The following TMEM108 variants were observed in gnomAD, a reference collection of about 807,000 sequenced individuals.
TMEM108 encodes the protein cancer/testis antigen 124.
In TMEM108, 12 loss-of-function variants were observed where a neutral mutation model predicts 35.1. The ratio of observed to expected loss-of-function variants is 0.34; its 90% CI spans 0.22 to 0.55. The LOEUF is 0.55. Ranked by LOEUF, TMEM108 falls within the 20% of genes least tolerant of loss-of-function variation. The pLI, the probability that TMEM108 is intolerant of heterozygous loss-of-function variation, is 0.89. For missense variants in TMEM108, 680 were observed against 753.3 expected, an observed-to-expected ratio of 0.90 and a Z score of 1.14; for synonymous variants, 287 against 308.6, an observed-to-expected ratio of 0.93 and a Z score of 0.73.
At chr3:133,081,566 A>G (rs1346556682) in intron 2 of TMEM108, among the ~76,000 whole-genome samples, 3 of 152,210 alleles carry the variant, frequency 2.0e-5, no homozygotes, top group Non-Finnish European at 4.4e-5. Flanking sequence ...GCTATATGGA[A>G]TATAGATCTG....
chr3:133,039,787 C>G (rs1943250987), intron 1 of TMEM108, among the ~76,000 whole-genome samples: 1 of 152,094 alleles, frequency 6.6e-6, no homozygotes, highest in Admixed American at 6.5e-5. Context: ...CTACCTTGTC[C>G]CTTGGAGACA....
At chr3:133,334,148 C>G (rs1315594790) in intron 3 of TMEM108, among the ~76,000 whole-genome samples, 1 of 152,128 alleles carries the variant, frequency 6.6e-6, no homozygotes, top group Non-Finnish European at 1.5e-5. Context: ...TGAGTTTCTG[C>G]AAGTTGTTGA....
At chr3:133,213,887 T>C (rs77383862) in intron 2 of TMEM108, among the ~76,000 whole-genome samples, 2,090 of 152,290 alleles carry the variant, frequency 0.014, 55 homozygotes, top group African/African-American at 0.048. Context: ...GTATAACTTA[T>C]AAATAAGACC....
At chr3:133,370,240 C>T (rs2072619451) in intron 3 of TMEM108, among the ~76,000 whole-genome samples, 1 of 151,706 alleles carries the variant, frequency 6.6e-6, no homozygotes, top group Non-Finnish European at 1.5e-5. Context: ...CCTTACACTC[C>T]CCTTGGCTGT....
rs1944749797 is a variant in TMEM108 at position 133,148,252 on chromosome 3, G to T, written c.-46-81014G>T. Among the ~76,000 whole-genome samples the T allele has an allele frequency of 2.6e-5, 4 of 152,122 alleles. No homozygotes were observed. The South Asian group carries it at 8.3e-4, about 31-fold the overall frequency. ...ACAAGAGGAACTGAGAGCATCTTTTGGTGCCAGAAAGTAAGAAAATGCTCA... is the reference window on the plus strand; with the variant it reads ...ACAAGAGGAACTGAGAGCATCTTTTTGTGCCAGAAAGTAAGAAAATGCTCA... On this transcript the variant is annotated intron_variant, in intron 2 of 5. Coordinates refer to ENST00000321871, the MANE Select transcript of TMEM108 (RefSeq NM_023943.4).
intron 3 of TMEM108, among the ~76,000 whole-genome samples, chr3:133,267,223 A>G (rs1946711949): frequency 1.3e-5 from 2 of 152,198 alleles, no homozygotes; most frequent in South Asian, 2.1e-4. Flanking sequence ...CACTGAGGAT[A>G]CCAAAATGAT....
chr3:133,091,015 TG>T (rs1323494182), intron 2 of TMEM108, among the ~76,000 whole-genome samples: 2 of 152,150 alleles, frequency 1.3e-5, no homozygotes, highest in Non-Finnish European at 2.9e-5. Context: ...GTAAAACTAT[TG>T]GGTTAAATAT....
chr3:133,095,055 T>C (rs9814163), intron 2 of TMEM108, among the ~76,000 whole-genome samples: 71,043 of 152,094 alleles, frequency 0.47, 18,006 homozygotes, highest in Non-Finnish European at 0.57. Context: ...CTGTTTTTCT[T>C]ATCATTCCCT....
intron 2 of TMEM108, among the ~76,000 whole-genome samples, chr3:133,193,814 A>C (rs1212057124): frequency 2.0e-5 from 3 of 152,224 alleles, no homozygotes; most frequent in Admixed American, 1.3e-4. Context: ...TTTTTGTATA[A>C]AAATTGAGTT....
At chr3:133,094,221 AC>A (rs1559830325) in intron 2 of TMEM108, among the ~76,000 whole-genome samples, 1 of 34,250 alleles carries the variant, frequency 2.9e-5, no homozygotes. Context: ...CCCACCTCCC[AC>A]CCCACCCCCC....
chr3:133,386,746 C>T (rs2073156428), intron 4 of TMEM108: 27 of 1,258,438 alleles, frequency 2.1e-5, no homozygotes, highest in Non-Finnish European at 2.5e-5. Flanking sequence ...GTTTACAAAA[C>T]GCTTCTGCAT....
At chr3:133,310,456 A>G (rs1324074646) in intron 3 of TMEM108, among the ~76,000 whole-genome samples, 1 of 146,628 alleles carries the variant, frequency 6.8e-6, no homozygotes, top group Non-Finnish European at 1.5e-5. Flanking sequence ...CCATTATGTA[A>G]TGGCCTTCTT....
intron 3 of TMEM108, among the ~76,000 whole-genome samples, chr3:133,261,648 T>C (rs957048667): frequency 1.3e-5 from 2 of 152,358 alleles, no homozygotes; most frequent in East Asian, 1.9e-4. Flanking sequence ...TATCATTGAA[T>C]ATTTCCATTT....
intron 2 of TMEM108, among the ~76,000 whole-genome samples, chr3:133,173,322 C>G (rs1214658798): frequency 2.6e-5 from 4 of 152,184 alleles, no homozygotes; most frequent in Non-Finnish European, 4.4e-5. Context: ...AGCCTATGTA[C>G]ACATGTGAAA....
At chr3:133,202,880 G>A (rs1390993300) in intron 2 of TMEM108, among the ~76,000 whole-genome samples, 2 of 152,128 alleles carry the variant, frequency 1.3e-5, no homozygotes, top group Non-Finnish European at 2.9e-5. Context: ...AATTACTTTT[G>A]GCAGTATGGC....
chr3:133,070,740 GATGT>G (rs1943664999), intron 2 of TMEM108, among the ~76,000 whole-genome samples: 1 of 97,734 alleles, frequency 1.0e-5, no homozygotes, highest in African/African-American at 3.4e-5. Flanking sequence ...TGCTTTCTCT[GATGT>G]ATGTGTGTGT....
At chr3:133,211,083 T>G (rs1255799777) in intron 2 of TMEM108, among the ~76,000 whole-genome samples, 3 of 152,192 alleles carry the variant, frequency 2.0e-5, no homozygotes, top group Non-Finnish European at 4.4e-5. Context: ...TTAACTAATT[T>G]TTAATCAACA....
chr3:133,326,700 C>G (rs2071337550), intron 3 of TMEM108, among the ~76,000 whole-genome samples: 1 of 152,154 alleles, frequency 6.6e-6, no homozygotes, highest in African/African-American at 2.4e-5. Flanking sequence ...AGGAAGGAAC[C>G]GTACTTTGTG....
At chr3:133,207,399 A>G (rs564519367) in intron 2 of TMEM108, among the ~76,000 whole-genome samples, 7 of 152,100 alleles carry the variant, frequency 4.6e-5, no homozygotes, top group African/African-American at 1.2e-4. Context: ...TCTCACTGGG[A>G]GCTGCAGACC....
Sources: gnomAD v4.1 joint callset for allele counts (sites outside exome capture counted in the v4.1 genomes callset) on GRCh38, gnomAD v4.1.1 for gene constraint, MANE v1.5 for transcripts, NCBI Gene and HGNC (gene_info 2026-07-23, HGNC 2026-07-21) for gene names.